CC2D2B: variants seen among roughly 807,000 people sequenced by gnomAD.
The protein encoded by CC2D2B is coiled-coil and C2 domain containing 2B, also known as protein CC2D2B.
Under a neutral mutation model 161.2 loss-of-function variants are expected in CC2D2B, and 128 were observed. That is an observed-to-expected ratio of 0.79 (90% CI 0.69 to 0.92). The LOEUF is 0.92. Among genes scored for constraint, CC2D2B ranks in the 40% least tolerant of loss-of-function variants. The pLI, the probability that CC2D2B is intolerant of heterozygous loss-of-function variation, is 0.00. For synonymous variants in CC2D2B, 391 were observed against 449.8 expected, an observed-to-expected ratio of 0.87 and a Z score of 1.65; for missense variants, 1,173 against 1,375.1, an observed-to-expected ratio of 0.85 and a Z score of 2.32.
At chr10:95,948,006 C>G (rs2076281698) in intron 9 of CC2D2B, among the ~76,000 whole-genome samples, 1 of 152,160 alleles carries the variant, frequency 6.6e-6, no homozygotes, top group African/African-American at 2.4e-5. Flanking sequence ...GCCCACGGTT[C>G]TAAACACCAT....
chr10:96,030,472 G>A (rs1400495003), intron 34 of CC2D2B, among the ~76,000 whole-genome samples: 1 of 152,096 alleles, frequency 6.6e-6, no homozygotes, highest in Non-Finnish European at 1.5e-5. Flanking sequence ...GTCTGCTAGG[G>A]AACTCTCTGA....
intron 10 of CC2D2B, among the ~76,000 whole-genome samples, chr10:95,954,485 T>G (rs2076507961): frequency 6.6e-6 from 1 of 152,198 alleles, no homozygotes; most frequent in South Asian, 2.1e-4. Context: ...TCTAGTTCCG[T>G]ACTGTTTCAT....
intron 12 of CC2D2B, among the ~76,000 whole-genome samples, chr10:95,963,130 C>T (rs1442594901): frequency 6.6e-6 from 1 of 152,200 alleles, no homozygotes; most frequent in African/African-American, 2.4e-5. Flanking sequence ...CTAAATACCA[C>T]ACTGTCAGTC....
intron 24 of CC2D2B, chr10:95,999,885 G>A (rs924559933): frequency 1.8e-5 from 9 of 492,582 alleles, no homozygotes; most frequent in African/African-American, 1.4e-4. Context: ...GTTGAACCCA[G>A]GTACCTTTCT....
intron 22 of CC2D2B, 135 bp downstream of exon 22, chr10:95,992,832 C>T: frequency 3.5e-6 from 2 of 566,692 alleles, no homozygotes; most frequent in Non-Finnish European, 5.3e-6. Context: ...AAATTGAAAT[C>T]TTCATTTGCA....
chr10:96,012,048 G>A, intron 26 of CC2D2B, 137 bp from the exon 27 acceptor site: 1 of 519,480 alleles, frequency 1.9e-6, no homozygotes, highest in East Asian at 3.1e-5. Context: ...TCATTCTTGG[G>A]CAAGTGCAAA....
intron 22 of CC2D2B, among the ~76,000 whole-genome samples, chr10:95,993,946 GTATGTGTATATATATA>G (rs1488287993): frequency 0.011 from 317 of 28,976 alleles, 18 homozygotes; most frequent in Middle Eastern, 0.026. Context: ...GTGTGTGTAT[GTATGTGTATATATATA>G]TATATATATA....
intron 21 of CC2D2B, 48 bp downstream of exon 21, chr10:95,991,509 T>TAAAAA: frequency 1.8e-6 from 1 of 546,434 alleles, no homozygotes; most frequent in Non-Finnish European, 2.7e-6. Flanking sequence ...TTTAAGATAA[T>TAAAAA]ATCTTTAAAA....
chr10:96,025,193 ATATATATATAT>A (rs1564684542), intron 33 of CC2D2B, among the ~76,000 whole-genome samples: 4 of 54,770 alleles, frequency 7.3e-5, no homozygotes, highest in African/African-American at 3.1e-4. Context: ...ATAAAAAAAA[ATATATATATAT>A]ATATATATAT....
At chr10:95,996,058 T>G (rs1043630766) in intron 23 of CC2D2B, 85 bp from the exon 24 acceptor site, 3 of 491,374 alleles carry the variant, frequency 6.1e-6, no homozygotes, top group Non-Finnish European at 1.0e-5. Flanking sequence ...AAGCCATACA[T>G]TTGCCAAGTA....
chr10:95,922,171 C>A (rs77824252), intron 3 of CC2D2B, 95 bp downstream of exon 3: 8,713 of 588,606 alleles, frequency 0.015, 100 homozygotes, highest in Non-Finnish European at 0.019. Flanking sequence ...GCTGGGAACA[C>A]AAATTTCCTA....
At chr10:95,966,549 TG>T (rs2076947261) in intron 14 of CC2D2B, among the ~76,000 whole-genome samples, 2 of 152,048 alleles carry the variant, frequency 1.3e-5, no homozygotes. Context: ...ATGCCTGAGG[TG>T]GGACATAAAC....
chr10:95,981,329 G>A (rs1199547160), intron 17 of CC2D2B, among the ~76,000 whole-genome samples: 6 of 148,652 alleles, frequency 4.0e-5, no homozygotes, highest in Admixed American at 1.4e-4. Flanking sequence ...GGAGGCAGAG[G>A]TTGCAGTGAG....
At chr10:95,930,552 A>G (rs2098548193) in intron 6 of CC2D2B, among the ~76,000 whole-genome samples, 1 of 150,052 alleles carries the variant, frequency 6.7e-6, no homozygotes. Context: ...TAGCTCTTAT[A>G]TACATTCCAT....
intron 24 of CC2D2B, among the ~76,000 whole-genome samples, chr10:95,998,900 G>T (rs941084939): frequency 6.6e-6 from 1 of 152,022 alleles, no homozygotes; most frequent in Non-Finnish European, 1.5e-5. Context: ...TGGATCACTA[G>T]AGGTCAAGAG....
chr10:96,027,168 G>T, intron 33 of CC2D2B, 44 bp from the exon 34 acceptor site: 2 of 1,279,326 alleles, frequency 1.6e-6, no homozygotes, highest in Non-Finnish European at 2.1e-6. Flanking sequence ...TTTACCAAAT[G>T]AGTTATAACT....
intron 9 of CC2D2B, among the ~76,000 whole-genome samples, chr10:95,945,286 C>G (rs1467501189): frequency 6.6e-6 from 1 of 152,198 alleles, no homozygotes; most frequent in Non-Finnish European, 1.5e-5. Flanking sequence ...CTGCCTTTCT[C>G]TTCTATCTTC....
At chr10:95,993,722 G>A (rs2078042941) in intron 22 of CC2D2B, among the ~76,000 whole-genome samples, 1 of 146,588 alleles carries the variant, frequency 6.8e-6, no homozygotes. Context: ...AAAGTAGGAG[G>A]GATATATTCT....
At chr10:96,002,955 G>A (rs968188394) in intron 24 of CC2D2B, among the ~76,000 whole-genome samples, 2 of 150,610 alleles carry the variant, frequency 1.3e-5, no homozygotes, top group Non-Finnish European at 3.0e-5. Flanking sequence ...GAGGTAGGAG[G>A]ATCACTTGAG....
Sources: allele counts gnomAD v4.1 joint callset (sites outside exome capture counted in the v4.1 genomes callset), GRCh38; gene constraint gnomAD v4.1.1; transcripts MANE v1.5; gene names NCBI Gene and HGNC (gene_info 2026-07-23, HGNC 2026-07-21).